SPOCK1: variants seen among roughly 807,000 people sequenced by gnomAD.
SPOCK1 encodes SPARC (osteonectin), cwcv and kazal like domains proteoglycan 1, also known as testican-1.
In SPOCK1, 23 loss-of-function variants were observed where a neutral mutation model predicts 55.3. The observed-to-expected ratio is 0.42, with a 90% confidence interval of 0.30 to 0.59. The LOEUF (loss-of-function observed/expected upper bound fraction) is 0.59, where lower values mean the gene tolerates loss of function less well. Among genes scored for constraint, SPOCK1 ranks in the 20% least tolerant of loss-of-function variants. The pLI, the probability that SPOCK1 is intolerant of heterozygous loss-of-function variation, is 0.22. For missense variants in SPOCK1, 499 were observed against 552.5 expected (o/e 0.90, Z 0.97); for synonymous variants, 226 against 221.0 (o/e 1.02, Z -0.20).
intron 2 of SPOCK1, among the ~76,000 whole-genome samples, chr5:137,318,303 C>A (rs1472116665): frequency 6.6e-6 from 1 of 152,156 alleles, no homozygotes; most frequent in African/African-American, 2.4e-5. Context: ...CTGCAGCCAT[C>A]CATAAACCCA....
At chr5:137,022,037 ATC>A (rs1409750628) in intron 6 of SPOCK1, among the ~76,000 whole-genome samples, 2 of 152,152 alleles carry the variant, frequency 1.3e-5, no homozygotes, top group African/African-American at 4.8e-5. Context: ...GAGAGATGGC[ATC>A]TCTCTGTCCC....
intron 2 of SPOCK1, among the ~76,000 whole-genome samples, chr5:137,374,767 G>T (rs1751276164): frequency 6.6e-6 from 1 of 152,144 alleles, no homozygotes; most frequent in Non-Finnish European, 1.5e-5. Context: ...CTAGAACCCT[G>T]CAATGTAAGG....
chr5:137,423,489 G>A (rs1029896607), intron 2 of SPOCK1, among the ~76,000 whole-genome samples: 5 of 152,316 alleles, frequency 3.3e-5, no homozygotes, highest in Non-Finnish European at 7.4e-5. Context: ...AATGGCGGGT[G>A]CTTCTCCCCC....
chr5:137,403,960 C>T (rs1367716933), intron 2 of SPOCK1, among the ~76,000 whole-genome samples: 1 of 152,136 alleles, frequency 6.6e-6, no homozygotes, highest in African/African-American at 2.4e-5. Flanking sequence ...CTGTGCTGAG[C>T]ATTGACTCAG....
At chr5:137,218,927 G>A (rs1755771044) in intron 3 of SPOCK1, among the ~76,000 whole-genome samples, 1 of 152,186 alleles carries the variant, frequency 6.6e-6, no homozygotes, top group Admixed American at 6.5e-5. Context: ...GCAGTGCCCA[G>A]GCTGGCTCCA....
intron 8 of SPOCK1, among the ~76,000 whole-genome samples, chr5:136,988,011 C>A (rs1439217810): frequency 6.6e-6 from 1 of 152,174 alleles, no homozygotes; most frequent in Admixed American, 6.5e-5. Context: ...TAAATCTGAA[C>A]TTATCCTAGA....
chr5:137,416,737 AGT>A (rs1752343521), intron 2 of SPOCK1, among the ~76,000 whole-genome samples: 1 of 152,170 alleles, frequency 6.6e-6, no homozygotes, highest in Non-Finnish European at 1.5e-5. Context: ...AGCAACAATC[AGT>A]GAGAGTTCCA....
chr5:137,361,999 G>A (rs758494826), intron 2 of SPOCK1, among the ~76,000 whole-genome samples: 5 of 152,128 alleles, frequency 3.3e-5, no homozygotes, highest in Non-Finnish European at 4.4e-5. Context: ...TCAGTAAGGC[G>A]AGCTGTTCAG....
chr5:137,033,011 G>A (rs903570499), intron 6 of SPOCK1, among the ~76,000 whole-genome samples: 1 of 152,224 alleles, frequency 6.6e-6, no homozygotes, highest in Non-Finnish European at 1.5e-5. Context: ...GGAAGAAGTG[G>A]GCCCGCTAAA....
At chr5:137,060,586 C>A (rs2127002539) in intron 6 of SPOCK1, among the ~76,000 whole-genome samples, 2 of 151,996 alleles carry the variant, frequency 1.3e-5, no homozygotes, top group Non-Finnish European at 2.9e-5. Context: ...ACTTATACCC[C>A]TAAAACTAAA....
intron 3 of SPOCK1, among the ~76,000 whole-genome samples, chr5:137,234,226 AG>A (rs1756129416): frequency 6.6e-6 from 1 of 152,196 alleles, no homozygotes. Context: ...AGTAGAGGAC[AG>A]GATTCTCAGG....
At chr5:137,258,052 A>G (rs543408831) in intron 3 of SPOCK1, among the ~76,000 whole-genome samples, 2 of 152,328 alleles carry the variant, frequency 1.3e-5, no homozygotes, top group South Asian at 4.1e-4. Flanking sequence ...AATATGAAAC[A>G]CCAGAAGAAG....
chr5:137,464,928 C>T (rs1042588180), intron 2 of SPOCK1, among the ~76,000 whole-genome samples: 22 of 152,180 alleles, frequency 1.4e-4, no homozygotes, highest in African/African-American at 5.1e-4. Flanking sequence ...GAGGACAGAA[C>T]CCTAGAGAAT....
chr5:137,377,036 CAA>C (rs759707605), intron 2 of SPOCK1, among the ~76,000 whole-genome samples: 3 of 152,294 alleles, frequency 2.0e-5, no homozygotes, highest in East Asian at 3.9e-4. Context: ...CATTGCTCCA[CAA>C]AAGAGTAAAC....
chr5:137,013,860 A>G (rs1277401454), intron 6 of SPOCK1, among the ~76,000 whole-genome samples: 1 of 152,130 alleles, frequency 6.6e-6, no homozygotes, highest in African/African-American at 2.4e-5. Context: ...CAGGAGTTAC[A>G]GTTTTTTTTA....
At chr5:137,450,467 G>A (rs1753231743) in intron 2 of SPOCK1, among the ~76,000 whole-genome samples, 1 of 152,136 alleles carries the variant, frequency 6.6e-6, no homozygotes, top group East Asian at 1.9e-4. Flanking sequence ...GGTGTGGGGT[G>A]TACATGCATC....
intron 6 of SPOCK1, among the ~76,000 whole-genome samples, chr5:137,065,049 G>A (rs56940062): frequency 0.1 from 15,434 of 151,942 alleles, 933 homozygotes; most frequent in East Asian, 0.23. Context: ...GCAACATGGC[G>A]AAACCTTGTC....
intron 2 of SPOCK1, 77 bp downstream of exon 2, chr5:137,498,296 A>ACACACACACACACACACACACT: frequency 7.3e-7 from 1 of 1,365,426 alleles, no homozygotes; most frequent in African/African-American, 1.5e-5. Flanking sequence ...ACACACACAC[A>ACACACACACACACACACACACT]CACACCCCAA....
At chr5:137,451,861 A>G (rs569220062) in intron 2 of SPOCK1, among the ~76,000 whole-genome samples, 3 of 152,328 alleles carry the variant, frequency 2.0e-5, no homozygotes, top group South Asian at 4.1e-4. Context: ...GTAAGCATGT[A>G]TATTTTTGAG....
Sources: gnomAD v4.1 joint callset for allele counts (sites outside exome capture counted in the v4.1 genomes callset) on GRCh38, gnomAD v4.1.1 for gene constraint, MANE v1.5 for transcripts, NCBI Gene and HGNC (gene_info 2026-07-23, HGNC 2026-07-21) for gene names.